TPH2: variants seen among roughly 807,000 people sequenced by gnomAD.
TPH2 encodes tryptophan 5-hydroxylase 2.
TPH2 carries 27 observed loss-of-function variants against 59.1 expected under a neutral mutation model. The observed-to-expected ratio is 0.46, with a 90% CI of 0.34 to 0.63. The LOEUF (loss-of-function observed/expected upper bound fraction) is 0.63, where lower values mean the gene tolerates loss of function less well. Ranked by LOEUF, TPH2 falls within the 30% of genes least tolerant of loss-of-function variation. TPH2 has a pLI of 0.01. For synonymous variants in TPH2, 220 were observed against 210.5 expected (o/e 1.05, Z -0.39); for missense variants, 523 against 588.3 (o/e 0.89, Z 1.15).
At position 72,032,356 on chromosome 12, in the gene TPH2, G is replaced by T. The variant is rs1242236451; in HGVS notation, c.*661G>T. ...AGTATTTTGGAAGATAGTACTTCCG[G>T]AAAGGACATTAGGAAAGACTAAACA... On this transcript the variant is annotated 3_prime_UTR_variant, in exon 11 of 11. Transcript: ENST00000333850. 2 of 153,960 alleles carry T rather than the reference G, an allele frequency of 1.3e-5. No individual in the cohort carries two copies. Among genetic ancestry groups the T allele is most frequent in the African/African-American group, 4.8e-5 (2 of 41,424 alleles). 9.5% of individuals were successfully genotyped at this position (153,960 alleles called of 1,614,324 possible).
At chr12:72,028,065 G>C (rs1031060269) in intron 9 of TPH2, among the ~76,000 whole-genome samples, 1 of 152,126 alleles carries the variant, frequency 6.6e-6, no homozygotes, top group Non-Finnish European at 1.5e-5. Context: ...AGCACTACGG[G>C]TAAATCCAAA....
chr12:72,029,641 T>G (rs1040474157), intron 9 of TPH2, among the ~76,000 whole-genome samples: 2 of 152,172 alleles, frequency 1.3e-5, no homozygotes, highest in African/African-American at 4.8e-5. Context: ...GCAAGTGTAG[T>G]GACCTTCTGC....
chr12:71,971,214 G>A (rs577814025), intron 5 of TPH2, among the ~76,000 whole-genome samples: 2 of 152,322 alleles, frequency 1.3e-5, no homozygotes, highest in African/African-American at 2.4e-5. Context: ...ATGGGTTCCT[G>A]TAGTGACCAC....
At chr12:72,004,818 T>C (rs1280013360) in intron 8 of TPH2, among the ~76,000 whole-genome samples, 1 of 152,180 alleles carries the variant, frequency 6.6e-6, no homozygotes, top group Non-Finnish European at 1.5e-5. Context: ...TCCACAAATG[T>C]AGTTTTCAAA....
chr12:72,022,268 T>C, intron 8 of TPH2, 131 bp from the exon 9 acceptor site: 1 of 708,860 alleles, frequency 1.4e-6, no homozygotes, highest in Non-Finnish European at 2.6e-6. Context: ...TAAATGTTCT[T>C]GATTTAAATG....
chr12:71,983,868 G>C (rs1739168118), intron 7 of TPH2, among the ~76,000 whole-genome samples: 4 of 152,140 alleles, frequency 2.6e-5, no homozygotes, highest in Admixed American at 2.6e-4. Flanking sequence ...TTCATGGTGA[G>C]ATGTCTCAGT....
intron 5 of TPH2, among the ~76,000 whole-genome samples, chr12:71,954,062 AATC>A (rs1468476214): frequency 1.3e-5 from 2 of 152,186 alleles, no homozygotes; most frequent in Non-Finnish European, 2.9e-5. Context: ...TGAAAGGATA[AATC>A]AGGGGGGAAG....
intron 5 of TPH2, chr12:71,964,958 C>G (rs1297620335): frequency 6.4e-6 from 1 of 157,272 alleles, no homozygotes; most frequent in South Asian, 2.0e-4. Flanking sequence ...CTCCAGGAGA[C>G]CCCAGTGTCT....
At chr12:71,981,597 C>T (rs561425086) in intron 7 of TPH2, among the ~76,000 whole-genome samples, 2 of 152,072 alleles carry the variant, frequency 1.3e-5, no homozygotes, top group Admixed American at 6.6e-5. Context: ...CCAGTGACTA[C>T]AATAGGGGTG....
chr12:71,940,295 A>G (rs1377948011), intron 1 of TPH2, among the ~76,000 whole-genome samples: 1 of 152,184 alleles, frequency 6.6e-6, no homozygotes, highest in East Asian at 1.9e-4. Flanking sequence ...TGAGCTTTTA[A>G]TGACTAAACA....
intron 5 of TPH2, among the ~76,000 whole-genome samples, chr12:71,953,284 T>A (rs948834799): frequency 3.3e-5 from 5 of 152,046 alleles, no homozygotes; most frequent in Non-Finnish European, 7.4e-5. Context: ...AACCCAGGAC[T>A]TGTGGGAAGT....
At position 71,956,592 on chromosome 12, in the gene TPH2, C is replaced by G. The variant is rs868371665; in HGVS notation, c.608+6937C>G. Reference sequence around the variant, plus strand: ...CTTTCCCTCCTTCCTTCCCTCTTTCCCTCCTTCCCTCTTTCTCTCCTTCCT... The same window carrying G: ...CTTTCCCTCCTTCCTTCCCTCTTTCGCTCCTTCCCTCTTTCTCTCCTTCCT... On this transcript the variant is annotated intron_variant, in intron 5 of 10. Transcript: ENST00000333850. 2.7e-5 allele frequency among the ~76,000 whole-genome samples: 4 copies of G among 148,758 alleles called. No homozygotes were observed. The South Asian group carries it at 8.9e-4, about 33-fold the overall frequency.
Position 72,031,391 on chromosome 12 carries a change from G to A in TPH2, c.1298G>A (p.Arg433Lys). The change falls in exon 10 of 11, where the codon AGG (arginine) becomes AAG (lysine). Residue 433 changes from arginine (R) to lysine (K), a missense_variant and splice_region_variant. Arg to Lys is a conservative substitution (Grantham distance 26). Transcript: ENST00000333850. ...ESFEEAKEKM[R>K]DFAKSITRPF... is the part of the protein sequence containing the mutation. ...TTTGAAGAAGCCAAAGAAAAGATGA[G>A]GTAAACTTTTTTTTCCTCCTAGCTA... 6.2e-7 allele frequency: 1 copy of A among 1,613,516 alleles called. No individual in the cohort carries two copies. Among genetic ancestry groups the A allele is most frequent in the Non-Finnish European group, 8.5e-7 (1 of 1,179,590 alleles).
chr12:71,999,719 G>C (rs1351267479), intron 8 of TPH2, among the ~76,000 whole-genome samples: 2 of 152,172 alleles, frequency 1.3e-5, no homozygotes, highest in Non-Finnish European at 2.9e-5. Flanking sequence ...ATGCTAAAGG[G>C]CTTCAAATTC....
intron 4 of TPH2, among the ~76,000 whole-genome samples, chr12:71,948,164 T>TTTATTA (rs35367496): frequency 2.0e-5 from 3 of 151,474 alleles, no homozygotes; most frequent in African/African-American, 4.8e-5. Flanking sequence ...TTTATTTTAT[T>TTTATTA]TTATTATTAT....
At chr12:71,994,607 A>C in intron 8 of TPH2, 42 bp downstream of exon 8, 1 of 1,610,696 alleles carries the variant, frequency 6.2e-7, no homozygotes, top group Non-Finnish European at 8.5e-7. Context: ...ATTTATGTCC[A>C]TTTGTAAGGT....
intron 5 of TPH2, among the ~76,000 whole-genome samples, chr12:71,951,219 G>C (rs1388192388): frequency 6.6e-6 from 1 of 152,122 alleles, no homozygotes; most frequent in Non-Finnish European, 1.5e-5. Flanking sequence ...AGAGGACTCG[G>C]ATGGGCTGAG....
intron 5 of TPH2, among the ~76,000 whole-genome samples, chr12:71,967,716 C>A (rs1420491463): frequency 6.6e-6 from 1 of 152,268 alleles, no homozygotes; most frequent in East Asian, 1.9e-4. Flanking sequence ...CTTGTAGCAA[C>A]ATAAAATGGT....
chr12:71,943,996 G>GTGTACCACTCTGTGGGAAA (rs1362215287), intron 2 of TPH2, among the ~76,000 whole-genome samples: 149 of 152,162 alleles, frequency 9.8e-4, no homozygotes, highest in African/African-American at 3.4e-3. Flanking sequence ...CCTGTGGGAT[G>GTGTACCACTCTGTGGGAAA]TGTACCACTC....
Sources: allele counts gnomAD v4.1 joint callset (sites outside exome capture counted in the v4.1 genomes callset), GRCh38; gene constraint gnomAD v4.1.1; transcripts MANE v1.5; gene names NCBI Gene and HGNC (gene_info 2026-07-23, HGNC 2026-07-21).